Variants in CR1L observed in about 807,000 individuals in gnomAD.
CR1L encodes the protein complement C3b/C4b receptor 1 like.
CR1L carries 59 observed loss-of-function variants against 62.3 expected under a neutral mutation model. The ratio of observed to expected loss-of-function variants is 0.95; its 90% confidence interval spans 0.77 to 1.18. The LOEUF is 1.18. Ranked by LOEUF, CR1L falls within the 50% of genes most tolerant of loss-of-function variation. The pLI is 0.00. For missense variants in CR1L, 700 were observed against 702.8 expected (o/e 1.00, Z 0.04); for synonymous variants, 279 against 248.7 (o/e 1.12, Z -1.15).
intron 11 of CR1L, among the ~76,000 whole-genome samples, chr1:207,720,311 T>C (rs1376769439): frequency 6.6e-6 from 1 of 152,068 alleles, no homozygotes; most frequent in East Asian, 1.9e-4. Flanking sequence ...GAAAATTTCA[T>C]GATCTTAGAG....
At chr1:207,706,661 A>G (rs1033144814) in intron 9 of CR1L, among the ~76,000 whole-genome samples, 5 of 152,244 alleles carry the variant, frequency 3.3e-5, no homozygotes, top group African/African-American at 1.2e-4. Flanking sequence ...ATTGTAGAAG[A>G]TAGCACTTCT....
intron 11 of CR1L, among the ~76,000 whole-genome samples, chr1:207,722,965 T>C (rs1246403149): frequency 1.3e-5 from 2 of 152,230 alleles, no homozygotes; most frequent in Non-Finnish European, 1.5e-5. Context: ...TACTAGATTA[T>C]ATTAGTTTGC....
intron 10 of CR1L, among the ~76,000 whole-genome samples, chr1:207,717,030 C>T (rs1168579137): frequency 6.6e-6 from 1 of 152,124 alleles, no homozygotes; most frequent in Non-Finnish European, 1.5e-5. Context: ...ATTTACATTG[C>T]TAAAGATGAT....
chr1:207,707,941 C>T (rs1664294771), intron 9 of CR1L, among the ~76,000 whole-genome samples: 1 of 152,068 alleles, frequency 6.6e-6, no homozygotes, highest in African/African-American at 2.4e-5. Flanking sequence ...AGGTACAGTC[C>T]ACAATGAAGT....
chr1:207,663,084 TG>T (rs1423681991), intron 1 of CR1L, among the ~76,000 whole-genome samples: 1 of 152,176 alleles, frequency 6.6e-6, no homozygotes, highest in Non-Finnish European at 1.5e-5. Context: ...TTAGGCTATT[TG>T]GGGGTCAGGG....
chr1:207,672,771 G>A (rs1663632923), intron 1 of CR1L, among the ~76,000 whole-genome samples: 1 of 152,152 alleles, frequency 6.6e-6, no homozygotes, highest in Non-Finnish European at 1.5e-5. Flanking sequence ...TCCCTGCTAG[G>A]TAAAGGTGCA....
chr1:207,707,294 C>G (rs1010366252), intron 9 of CR1L, among the ~76,000 whole-genome samples: 3 of 152,152 alleles, frequency 2.0e-5, no homozygotes, highest in Admixed American at 6.6e-5. Flanking sequence ...TCCTCATCCT[C>G]ATCATGGGAC....
intron 1 of CR1L, among the ~76,000 whole-genome samples, chr1:207,655,581 C>T (rs937091537): frequency 6.6e-6 from 1 of 152,096 alleles, no homozygotes; most frequent in Non-Finnish European, 1.5e-5. Context: ...GCTGAGACTA[C>T]AGGCATGTGC....
intron 1 of CR1L, among the ~76,000 whole-genome samples, chr1:207,662,454 G>T (rs761078843): frequency 6.6e-6 from 1 of 152,120 alleles, no homozygotes; most frequent in African/African-American, 2.4e-5. Context: ...ACTGAGGCTT[G>T]TGCATTCGTC....
chr1:207,706,038 T>TATATAC (rs1664262192), intron 9 of CR1L, among the ~76,000 whole-genome samples: 6 of 145,466 alleles, frequency 4.1e-5, no homozygotes, highest in Admixed American at 6.9e-5. Context: ...TATATATATA[T>TATATAC]ATATATAAAA....
intron 10 of CR1L, chr1:207,709,165 AG>A (rs1664314512): frequency 1.0e-5 from 2 of 192,708 alleles, no homozygotes; most frequent in African/African-American, 2.4e-5. Context: ...GCACTTTGGG[AG>A]TCCTAGGTGA....
chr1:207,672,375 T>C (rs536475830), intron 1 of CR1L, among the ~76,000 whole-genome samples: 13 of 144,424 alleles, frequency 9.0e-5, no homozygotes, highest in Non-Finnish European at 1.8e-4. Context: ...AAACAAAATA[T>C]GTGGGGCAAA....
intron 9 of CR1L, among the ~76,000 whole-genome samples, chr1:207,702,321 G>A (rs1300630145): frequency 2.6e-5 from 4 of 152,124 alleles, no homozygotes; most frequent in Admixed American, 6.6e-5. Context: ...CTGCTCCATG[G>A]ACAAGACATT....
At chr1:207,656,380 G>A (rs1229342410) in intron 1 of CR1L, among the ~76,000 whole-genome samples, 1 of 152,176 alleles carries the variant, frequency 6.6e-6, no homozygotes, top group Non-Finnish European at 1.5e-5. Context: ...CTCAGCTAGC[G>A]CTCAGTTAAG....
chr1:207,707,041 T>C (rs1664278518), intron 9 of CR1L, among the ~76,000 whole-genome samples: 1 of 152,160 alleles, frequency 6.6e-6, no homozygotes, highest in Non-Finnish European at 1.5e-5. Flanking sequence ...AGAAAATAGG[T>C]TTAAATATAT....
intron 1 of CR1L, among the ~76,000 whole-genome samples, chr1:207,673,157 C>T (rs1303723896): frequency 6.6e-6 from 1 of 152,200 alleles, no homozygotes; most frequent in Non-Finnish European, 1.5e-5. Flanking sequence ...TGAAATACAG[C>T]TTTACATTCA....
At chr1:207,682,573 T>G (rs1438399201) in intron 3 of CR1L, among the ~76,000 whole-genome samples, 1 of 152,228 alleles carries the variant, frequency 6.6e-6, no homozygotes, top group Non-Finnish European at 1.5e-5. Flanking sequence ...GACCCACTGT[T>G]GTCTCACTAT....
At chr1:207,710,564 G>C in intron 10 of CR1L, 1 of 1,609,784 alleles carries the variant, frequency 6.2e-7, no homozygotes, top group Non-Finnish European at 8.5e-7. Flanking sequence ...TCAAGTGGTC[G>C]TCTGGAGCGG....
intron 1 of CR1L, among the ~76,000 whole-genome samples, chr1:207,646,710 CAAAAAAA>C (rs34443417): frequency 1.5e-5 from 1 of 64,718 alleles, no homozygotes; most frequent in East Asian, 5.1e-4. Context: ...GACCCTGTCT[CAAAAAAA>C]AAAAAAAAAA....
Sources: gnomAD v4.1 joint callset for allele counts (sites outside exome capture counted in the v4.1 genomes callset) on GRCh38, gnomAD v4.1.1 for gene constraint, MANE v1.5 for transcripts, NCBI Gene and HGNC (gene_info 2026-07-23, HGNC 2026-07-21) for gene names.